Variants in RPS6KC1 observed in about 807,000 individuals in gnomAD.
RPS6KC1 encodes the protein ribosomal protein S6 kinase C1.
Under a neutral mutation model 103.8 loss-of-function variants are expected in RPS6KC1, and 54 were observed. The ratio of observed to expected loss-of-function variants is 0.52; its 90% CI spans 0.42 to 0.65. RPS6KC1 has a LOEUF of 0.65. Ranked by LOEUF, RPS6KC1 falls within the 30% of genes least tolerant of loss-of-function variation. The probability of loss-of-function intolerance (pLI) is 0.00; values close to 1 mark genes in which losing one functional copy is unlikely to be tolerated. For missense variants in RPS6KC1, 1,151 were observed against 1,253.8 expected (o/e 0.92, Z 1.24); for synonymous variants, 439 against 438.7 (o/e 1.00, Z -0.01).
the RPS6KC1 span, among the ~76,000 whole-genome samples, chr1:213,668,899 T>C: frequency 3.1e-3 from 465 of 152,376 alleles, 2 homozygotes; most frequent in African/African-American, 0.011. Context: ...TGCTGGCTTC[T>C]AACTTTTCTT....
At chr1:213,743,838 A>G in the RPS6KC1 span, among the ~76,000 whole-genome samples, 4 of 152,224 alleles carry the variant, frequency 2.6e-5, no homozygotes, top group Non-Finnish European at 4.4e-5. Flanking sequence ...TTTGGATTCT[A>G]TGATAGGCCA....
chr1:213,051,342 G>A lies in RPS6KC1; in HGVS notation c.-63G>A. Reference sequence around the variant, plus strand: ...CGCTGCGTTGGGGAACCTGGACCGCGGCGGCGCCGGGTTTCCCTCATGATC... The same window carrying A: ...CGCTGCGTTGGGGAACCTGGACCGCAGCGGCGCCGGGTTTCCCTCATGATC... On this transcript the variant is annotated 5_prime_UTR_variant, in exon 1 of 15. Coordinates refer to ENST00000366960, the MANE Select transcript of RPS6KC1 (RefSeq NM_012424.6). The A allele has an allele frequency of 7.6e-7, 1 of 1,320,430 alleles. No homozygotes were observed. Among genetic ancestry groups the A allele is most frequent in the Admixed American group, 1.7e-5 (1 of 57,914 alleles). The allele number at this position is 1,320,430 out of a possible 1,614,324, so 81.8% of individuals were successfully genotyped here. A position where few individuals can be genotyped will look rare whatever the true frequency, so the allele number is the denominator to read the frequency against.
the RPS6KC1 span, among the ~76,000 whole-genome samples, chr1:213,305,685 G>C: frequency 6.6e-6 from 1 of 152,166 alleles, no homozygotes; most frequent in Non-Finnish European, 1.5e-5. Flanking sequence ...GATGGCATCA[G>C]TGTTTCTAGT....
At chr1:213,811,306 G>C in the RPS6KC1 span, among the ~76,000 whole-genome samples, 1 of 152,138 alleles carries the variant, frequency 6.6e-6, no homozygotes, top group Non-Finnish European at 1.5e-5. Flanking sequence ...ACGTGGCGGG[G>C]CTCGCAACCT....
chr1:213,197,320 G>A (rs1030228419), intron 8 of RPS6KC1, among the ~76,000 whole-genome samples: 1 of 152,100 alleles, frequency 6.6e-6, no homozygotes, highest in Non-Finnish European at 1.5e-5. Context: ...GTTCTGTGAA[G>A]AATGATTATG....
chr1:213,322,088 T>C, the RPS6KC1 span, among the ~76,000 whole-genome samples: 25 of 152,196 alleles, frequency 1.6e-4, 1 homozygote, highest in African/African-American at 6.0e-4. Context: ...GGAGGATCAC[T>C]TGAGGTCAGG....
At chr1:213,824,813 C>T in the RPS6KC1 span, among the ~76,000 whole-genome samples, 1 of 152,296 alleles carries the variant, frequency 6.6e-6, no homozygotes, top group Non-Finnish European at 1.5e-5. Context: ...ACCCCTTTTT[C>T]CTGTATAAAT....
chr1:213,081,631 G>A (rs2079891728), intron 3 of RPS6KC1, among the ~76,000 whole-genome samples: 1 of 151,314 alleles, frequency 6.6e-6, no homozygotes, highest in South Asian at 2.1e-4. Context: ...ATTTATAAAA[G>A]ACTGTGGCAT....
chr1:213,382,826 C>G, the RPS6KC1 span, among the ~76,000 whole-genome samples: 3 of 152,202 alleles, frequency 2.0e-5, no homozygotes, highest in Non-Finnish European at 4.4e-5. Flanking sequence ...TTCGGTATCC[C>G]TAAGTGCTTG....
chr1:213,370,336 A>AT, the RPS6KC1 span, among the ~76,000 whole-genome samples: 1 of 150,632 alleles, frequency 6.6e-6, no homozygotes, highest in East Asian at 1.9e-4. Flanking sequence ...TAAGAACATG[A>AT]TTTTTTATGG....
the RPS6KC1 span, among the ~76,000 whole-genome samples, chr1:213,679,419 C>T: frequency 6.6e-6 from 1 of 152,158 alleles, no homozygotes; most frequent in African/African-American, 2.4e-5. Flanking sequence ...TCATGCATGC[C>T]ATGGCATTAT....
chr1:213,711,635 C>T, the RPS6KC1 span, among the ~76,000 whole-genome samples: 1 of 152,142 alleles, frequency 6.6e-6, no homozygotes, highest in Non-Finnish European at 1.5e-5. Context: ...GGTTTTTCCT[C>T]ATCTTCATGG....
the RPS6KC1 span, among the ~76,000 whole-genome samples, chr1:213,521,161 C>T: frequency 6.6e-6 from 1 of 152,122 alleles, no homozygotes; most frequent in Non-Finnish European, 1.5e-5. Context: ...CTGAATACTA[C>T]AGGCATACCT....
At chr1:213,384,139 G>T in the RPS6KC1 span, among the ~76,000 whole-genome samples, 8 of 152,050 alleles carry the variant, frequency 5.3e-5, no homozygotes, top group African/African-American at 1.9e-4. Context: ...AGCTGGGTGT[G>T]GTGGCGGGTG....
At chr1:213,525,968 T>TG in the RPS6KC1 span, among the ~76,000 whole-genome samples, 8 of 151,906 alleles carry the variant, frequency 5.3e-5, no homozygotes, top group South Asian at 8.3e-4. Flanking sequence ...GAAGAAAGGG[T>TG]GGGGCTATTC....
At chr1:213,826,080 C>T in the RPS6KC1 span, among the ~76,000 whole-genome samples, 1 of 152,124 alleles carries the variant, frequency 6.6e-6, no homozygotes, top group Admixed American at 6.5e-5. Context: ...GACTAGTTGC[C>T]AAGGACTATG....
the RPS6KC1 span, among the ~76,000 whole-genome samples, chr1:213,453,332 C>G: frequency 6.6e-6 from 1 of 151,966 alleles, no homozygotes; most frequent in Non-Finnish European, 1.5e-5. Context: ...ATAATCATGC[C>G]CACAGACACT....
At chr1:213,219,017 C>T (rs2093748707) in intron 8 of RPS6KC1, among the ~76,000 whole-genome samples, 1 of 152,154 alleles carries the variant, frequency 6.6e-6, no homozygotes, top group Admixed American at 6.5e-5. Context: ...CAAATGGTAT[C>T]TAATTAAACT....
intron 9 of RPS6KC1, among the ~76,000 whole-genome samples, chr1:213,231,113 G>C (rs2094094395): frequency 6.6e-6 from 1 of 152,064 alleles, no homozygotes; most frequent in Admixed American, 6.6e-5. Context: ...GAAATAATTT[G>C]GATAAACTGA....
Sources: allele counts gnomAD v4.1 joint callset (sites outside exome capture counted in the v4.1 genomes callset), GRCh38; gene constraint gnomAD v4.1.1; transcripts MANE v1.5; gene names NCBI Gene and HGNC (gene_info 2026-07-23, HGNC 2026-07-21).